Variants in KLHL18 observed in about 807,000 individuals in gnomAD.
The protein encoded by KLHL18 is kelch-like protein 18.
In KLHL18, 38 loss-of-function variants were observed where a neutral mutation model predicts 58.5. The observed-to-expected ratio is 0.65, with a 90% CI of 0.50 to 0.85. The LOEUF is 0.85. Among genes scored for constraint, KLHL18 ranks in the 40% least tolerant of loss-of-function variants. The pLI is 0.00. For synonymous variants in KLHL18, 303 were observed against 301.9 expected, an observed-to-expected ratio of 1.00 and a Z score of -0.04; for missense variants, 624 against 778.4, an observed-to-expected ratio of 0.80 and a Z score of 2.36.
chr3:47,342,708 C>T lies in KLHL18; in HGVS notation c.1227-11C>T. 6.2e-7 allele frequency: 1 copy of T among 1,612,098 alleles called. No homozygotes were observed. The highest frequency in any genetic ancestry group is 1.1e-5 in the South Asian group (1 of 91,030). On this transcript the variant is annotated splice_polypyrimidine_tract_variant and intron_variant, in intron 8 of 9. Transcript: ENST00000232766. ...TCATGCTTCCCCTCCTATTTTGACT[C>T]TTTCCTGAAGATGGACAGTGGTGAC...
chr3:47,322,428 G>C, intron 2 of KLHL18, 140 bp from the exon 3 acceptor site: 1 of 651,018 alleles, frequency 1.5e-6, no homozygotes, highest in Non-Finnish European at 2.2e-6. Context: ...TGAGTTTTAG[G>C]CTGTGGTGAA....
chr3:47,317,604 G>A (rs187613122), intron 1 of KLHL18, among the ~76,000 whole-genome samples: 3 of 152,140 alleles, frequency 2.0e-5, no homozygotes, highest in African/African-American at 7.2e-5. Flanking sequence ...ATTAACCAGA[G>A]TTTTATGCTC....
intron 1 of KLHL18, among the ~76,000 whole-genome samples, chr3:47,299,634 A>C: frequency 6.6e-6 from 1 of 151,900 alleles, no homozygotes; most frequent in East Asian, 1.9e-4. Context: ...TGAGACCAGC[A>C]CAGGCAACAT....
rs778008116 is a variant in KLHL18, at chr3:47,322,701, C to T, written c.394C>T (p.Arg132Ter). 1.1e-5 allele frequency: 18 copies of T among 1,584,820 alleles called. No homozygotes were observed. The highest frequency in any genetic ancestry group is 1.5e-5 in the Non-Finnish European group (18 of 1,166,116). Reference protein sequence around the residue: ...SIKDACCTFLRERLHPKNCLG... With the variant: ...SIKDACCTFL ...CAAAGACGCCTGCTGCACATTCCTT[C>T]GAGAACGGTGAGGTGATGTGGTGGG... The change falls in exon 3 of 10, where the codon CGA becomes TGA. Residue 132 changes from arginine (R) to a stop codon, truncating the protein, a stop_gained. Transcript: ENST00000232766. LOFTEE classifies it high-confidence loss of function.
chr3:47,317,580 A>G (rs1373107431), intron 1 of KLHL18, among the ~76,000 whole-genome samples: 1 of 152,246 alleles, frequency 6.6e-6, no homozygotes, highest in Non-Finnish European at 1.5e-5. Context: ...CTGATAGAGT[A>G]CCTGACTGAA....
chr3:47,290,032 A>G (rs1472760995), intron 1 of KLHL18, among the ~76,000 whole-genome samples: 3 of 152,222 alleles, frequency 2.0e-5, no homozygotes, highest in African/African-American at 7.2e-5. Flanking sequence ...TTTTTAAGCC[A>G]TCATTTTACA....
Position 47,334,140 on chromosome 3 carries a change from TG to T in KLHL18, c.762-542del, listed in dbSNP as rs1183045600. On this transcript the variant is annotated intron_variant, in intron 5 of 9. Transcript: ENST00000232766. The surrounding 1 kb of genome is among the most constrained non-coding windows in gnomAD (Gnocchi z 4.7). ...GTGTCTGGAGGTAGCTAGGGCCCAGTGACCAGCGGTCTCAAGGGTGCTGTTG... is the reference window on the plus strand; with the variant it reads ...GTGTCTGGAGGTAGCTAGGGCCCAGTACCAGCGGTCTCAAGGGTGCTGTTG... Among the ~76,000 whole-genome samples the T allele has an allele frequency of 6.6e-6, 1 of 152,112 alleles. No individual in the cohort carries two copies. The highest frequency in any genetic ancestry group is 2.4e-5 in the African/African-American group (1 of 41,434).
rs1164435461 is a variant in KLHL18, at chr3:47,295,726, A to C, written c.129+12632A>C. On this transcript the variant is annotated intron_variant, in intron 1 of 9. Transcript: ENST00000232766. The stretch of plus-strand genomic sequence containing the variant: ...GGAACTACAGGTGTGTTGCCACCAC[A>C]CTCAGTTAATTTAAAAAAAAATTTT... 2.0e-5 allele frequency among the ~76,000 whole-genome samples: 3 copies of C among 150,530 alleles called. No homozygotes were observed. In the East Asian group the frequency reaches 5.8e-4, roughly 29 times the overall value.
intron 1 of KLHL18, among the ~76,000 whole-genome samples, chr3:47,309,977 G>A (rs750377100): frequency 2.6e-5 from 4 of 151,310 alleles, no homozygotes; most frequent in Admixed American, 6.6e-5. Flanking sequence ...GAGGGAGACC[G>A]TGGGGAGAGG....
intron 2 of KLHL18, among the ~76,000 whole-genome samples, chr3:47,320,837 G>A (rs982391399): frequency 6.6e-6 from 1 of 152,132 alleles, no homozygotes; most frequent in East Asian, 1.9e-4. Flanking sequence ...GAGGTGAGCC[G>A]AGGAAGTCAA....
At chr3:47,336,884 C>G (rs1346217512) in intron 7 of KLHL18, 127 bp downstream of exon 7, 15 of 704,864 alleles carry the variant, frequency 2.1e-5, no homozygotes, top group Non-Finnish European at 3.7e-5. Flanking sequence ...TGCAGCCAGG[C>G]CAGCCACTGC....
chr3:47,299,896 C>T (rs912889242), intron 1 of KLHL18, among the ~76,000 whole-genome samples: 2 of 150,294 alleles, frequency 1.3e-5, no homozygotes, highest in Non-Finnish European at 3.0e-5. Context: ...CCTGCCTGCT[C>T]ACCTGCCCTG....
Position 47,340,561 on chromosome 3 carries a change from G to A in KLHL18, c.1122-11G>A, listed in dbSNP as rs1704085076. 6.2e-7 allele frequency: 1 copy of A among 1,613,826 alleles called. No individual in the cohort carries two copies. Among genetic ancestry groups the A allele is most frequent in the African/African-American group, 1.3e-5 (1 of 74,870 alleles). On this transcript the variant is annotated splice_polypyrimidine_tract_variant and intron_variant, in intron 7 of 9. Transcript: ENST00000232766. Reference sequence around the variant, plus strand: ...GCGGCTCATCTGGGATGACAGCTCTGTCTGTTTCAGTGCCATGGGGACAGT... The same window carrying A: ...GCGGCTCATCTGGGATGACAGCTCTATCTGTTTCAGTGCCATGGGGACAGT...
chr3:47,304,099 C>T, intron 1 of KLHL18, among the ~76,000 whole-genome samples: 1 of 152,192 alleles, frequency 6.6e-6, no homozygotes, highest in Non-Finnish European at 1.5e-5. Flanking sequence ...CATACAGTGG[C>T]TAACAATGTT....
intron 1 of KLHL18, among the ~76,000 whole-genome samples, chr3:47,292,301 C>T (rs909628200): frequency 6.6e-6 from 1 of 151,698 alleles, no homozygotes; most frequent in Non-Finnish European, 1.5e-5. Flanking sequence ...ATGGTGAAAC[C>T]CCATCTCTAC....
At chr3:47,289,595 G>T (rs1702748195) in intron 1 of KLHL18, among the ~76,000 whole-genome samples, 1 of 152,130 alleles carries the variant, frequency 6.6e-6, no homozygotes, top group Admixed American at 6.6e-5. Context: ...GTTACACAGG[G>T]TTAATTATAG....
At chr3:47,284,851 C>A (rs536717409) in intron 1 of KLHL18, among the ~76,000 whole-genome samples, 1 of 151,358 alleles carries the variant, frequency 6.6e-6, no homozygotes, top group Non-Finnish European at 1.5e-5. Context: ...CAGAGTCTCG[C>A]TGTGTGGCAC....
At chr3:47,341,151 C>A in intron 8 of KLHL18, among the ~76,000 whole-genome samples, 1 of 152,196 alleles carries the variant, frequency 6.6e-6, no homozygotes, top group Non-Finnish European at 1.5e-5. Flanking sequence ...GTAAATAACT[C>A]TGTTTAACCT....
Position 47,340,559 on chromosome 3 carries a change from C to CTT in KLHL18, c.1122-12_1122-11insTT. The CTT allele has an allele frequency of 6.2e-7, 1 of 1,613,900 alleles. No individual in the cohort carries two copies. Among genetic ancestry groups the CTT allele is most frequent in the Non-Finnish European group, 8.5e-7 (1 of 1,179,918 alleles). ...CTGCGGCTCATCTGGGATGACAGCT[C>CTT]TGTCTGTTTCAGTGCCATGGGGACA... On this transcript the variant is annotated splice_polypyrimidine_tract_variant and intron_variant, in intron 7 of 9. Transcript: ENST00000232766.
Sources: allele counts gnomAD v4.1 joint callset (sites outside exome capture counted in the v4.1 genomes callset), GRCh38; gene constraint gnomAD v4.1.1; non-coding constraint Gnocchi (gnomAD v3.1); transcripts MANE v1.5; gene names NCBI Gene and HGNC (gene_info 2026-07-23, HGNC 2026-07-21).